The following RMND1 variants were observed in gnomAD, a reference collection of about 807,000 sequenced individuals.
The protein encoded by RMND1 is required for meiotic nuclear division protein 1 homolog.
RMND1 carries 41 observed loss-of-function variants against 54.0 expected under a neutral mutation model. The ratio of observed to expected loss-of-function variants is 0.76; its 90% CI spans 0.59 to 0.98. RMND1 has a LOEUF of 0.98. Among genes scored for constraint, RMND1 ranks in the 50% least tolerant of loss-of-function variants. The pLI, the probability that RMND1 is intolerant of heterozygous loss-of-function variation, is 0.00. For missense variants in RMND1, 457 were observed against 532.0 expected, an observed-to-expected ratio of 0.86 and a Z score of 1.39; for synonymous variants, 183 against 181.7, an observed-to-expected ratio of 1.01 and a Z score of -0.06.
Position 151,405,235 on chromosome 6 carries a change from T to C in RMND1, c.1350A>G (p.Ter450TrpextTer31). The C allele has an allele frequency of 6.2e-7, 1 of 1,612,314 alleles. No homozygotes were observed. Among genetic ancestry groups the C allele is most frequent in the Non-Finnish European group, 8.5e-7 (1 of 1,178,464 alleles). The change falls in exon 12 of 12, where the codon TGA becomes TGG. Residue 450 changes from the stop codon to tryptophan (W), a stop_lost. Transcript: ENST00000444024. ...VMFELGRVFF[*>W] ...CAGTGACACTTTGGTTATCACTTGA[T>C]CAGAAAAATACTCGTCCCAGCTCAA...
chr6:151,435,684 T>G (rs1299475555), intron 3 of RMND1, among the ~76,000 whole-genome samples: 1 of 151,126 alleles, frequency 6.6e-6, no homozygotes, highest in African/African-American at 2.4e-5. Context: ...CCTCCCAAAG[T>G]GCTGCAATTA....
Sources: gnomAD v4.1 joint callset for allele counts (sites outside exome capture counted in the v4.1 genomes callset) on GRCh38, gnomAD v4.1.1 for gene constraint, MANE v1.5 for transcripts, NCBI Gene and HGNC (gene_info 2026-07-23, HGNC 2026-07-21) for gene names.